Variants in RWDD2B observed in about 807,000 individuals in gnomAD.
RWDD2B encodes the protein RWD domain containing 2B, also known as RWD domain-containing protein 2B.
RWDD2B carries 36 observed loss-of-function variants against 33.6 expected under a neutral mutation model. The observed-to-expected ratio is 1.07, with a 90% confidence interval of 0.82 to 1.42. The LOEUF is 1.42. Ranked by LOEUF, RWDD2B falls within the 40% of genes most tolerant of loss-of-function variation. RWDD2B has a pLI of 0.00. For missense variants in RWDD2B, 364 were observed against 377.5 expected (o/e 0.96, Z 0.30); for synonymous variants, 126 against 133.1 (o/e 0.95, Z 0.37).
Position 29,007,856 on chromosome 21 carries a change from T to C in RWDD2B, c.630A>G (p.Ala210=). 1 of 1,614,276 alleles carries C rather than the reference T, an allele frequency of 6.2e-7. No homozygotes were observed. The highest frequency in any genetic ancestry group is 1.6e-4 in the Middle Eastern group (1 of 6,062). The change falls in exon 4 of 5, where the codon GCA becomes GCG. Residue 210 remains alanine, a synonymous_variant. Coordinates refer to ENST00000493196, the MANE Select transcript of RWDD2B (RefSeq NM_016940.3). ...KCKRKNILEW[A]KELSLSGFSM... ...TAAACCCAGACAGGGAAAGCTCCTT[T>C]GCCCACTCTAGAATATTCTTTCTTT...
chr21:29,014,878 TTAA>T (rs2084882274), intron 1 of RWDD2B, among the ~76,000 whole-genome samples: 1 of 152,070 alleles, frequency 6.6e-6, no homozygotes, highest in Non-Finnish European at 1.5e-5. Context: ...TTATATTTCT[TTAA>T]TAATAATTCT....
At chr21:29,010,994 C>T (rs1394871291) in intron 1 of RWDD2B, among the ~76,000 whole-genome samples, 1 of 152,154 alleles carries the variant, frequency 6.6e-6, no homozygotes, top group Non-Finnish European at 1.5e-5. Context: ...GGCTGGAGTG[C>T]AGTGGCGTGA....
At chr21:29,011,996 G>A (rs1176065390) in intron 1 of RWDD2B, among the ~76,000 whole-genome samples, 4 of 132,124 alleles carry the variant, frequency 3.0e-5, no homozygotes, top group Admixed American at 7.4e-5. Flanking sequence ...AGGTGGGGGG[G>A]TCAGCCCCCC....
Position 29,007,986 on chromosome 21 carries a change from C to T in RWDD2B, c.500G>A (p.Ser167Asn). 6.2e-7 allele frequency: 1 copy of T among 1,614,242 alleles called. No individual in the cohort carries two copies. The highest frequency in any genetic ancestry group is 1.1e-5 in the South Asian group (1 of 91,084). ...GGTGGGTGAAGATGAAGTATCTCTG[C>T]TGACATAGCCAGAGGCGTGTTCTCT... ...WVREHASGYV[S>N]RDTSSSPTTG... Residue 167 changes from serine (S) to asparagine (N), a missense_variant, in exon 4 of 5, where the codon AGC (serine) becomes AAC (asparagine). By Grantham distance (46) the Ser-to-Asn change is conservative. Coordinates refer to ENST00000493196, the MANE Select transcript of RWDD2B (RefSeq NM_016940.3).
At chr21:29,012,928 T>G (rs1339833263) in intron 1 of RWDD2B, among the ~76,000 whole-genome samples, 1 of 152,216 alleles carries the variant, frequency 6.6e-6, no homozygotes, top group Non-Finnish European at 1.5e-5. Context: ...CCAGTACATC[T>G]TATAATAAAT....
At chr21:29,013,027 T>A (rs957166936) in intron 1 of RWDD2B, among the ~76,000 whole-genome samples, 20 of 151,934 alleles carry the variant, frequency 1.3e-4, no homozygotes, top group Admixed American at 7.2e-4. Context: ...GATCTGTCTA[T>A]AATATCATGT....
At chr21:29,008,687 A>G in intron 1 of RWDD2B, 66 bp from the exon 2 acceptor site, 4 of 966,190 alleles carry the variant, frequency 4.1e-6, no homozygotes, top group Non-Finnish European at 4.6e-6. Flanking sequence ...ATACATCAAC[A>G]TGTGTACTTA....
intron 1 of RWDD2B, among the ~76,000 whole-genome samples, chr21:29,013,861 T>C (rs2084876994): frequency 6.6e-6 from 1 of 152,166 alleles, no homozygotes; most frequent in South Asian, 2.1e-4. Context: ...CCTTAAGGTT[T>C]GGTTGAGGAC....
intron 4 of RWDD2B, among the ~76,000 whole-genome samples, chr21:29,007,251 C>T (rs1381816857): frequency 2.0e-5 from 3 of 152,212 alleles, no homozygotes; most frequent in African/African-American, 7.2e-5. Flanking sequence ...TCATTCAGTG[C>T]ATATTTACAG....
chr21:29,010,189 C>T lies in RWDD2B; in HGVS notation c.68-1568G>A, dbSNP rs189111874. Among the ~76,000 whole-genome samples, 7 of 152,248 alleles carry T rather than the reference C, an allele frequency of 4.6e-5. No homozygotes were observed. The East Asian group carries it at 1.4e-3, about 29-fold the overall frequency. On this transcript the variant is annotated intron_variant, in intron 1 of 4. Coordinates refer to ENST00000493196, the MANE Select transcript of RWDD2B (RefSeq NM_016940.3). ...TTACAGAGGTGGATTGTTGTATCAA[C>T]ATGTACATTTTAAATTTTGATAGAT...
chr21:29,018,504 T>G (rs1402094141), intron 1 of RWDD2B, among the ~76,000 whole-genome samples: 1 of 152,150 alleles, frequency 6.6e-6, no homozygotes, highest in East Asian at 1.9e-4. Flanking sequence ...GAGGGTGCTA[T>G]TGAATTGGAG....
intron 1 of RWDD2B, among the ~76,000 whole-genome samples, chr21:29,010,620 T>A (rs368478167): frequency 3.7e-4 from 44 of 118,884 alleles, no homozygotes; most frequent in South Asian, 8.2e-4. Flanking sequence ...AAAATAAAAA[T>A]AAAAAAAAAA....
intron 1 of RWDD2B, among the ~76,000 whole-genome samples, chr21:29,010,642 A>AGC (rs2084852810): frequency 6.9e-6 from 1 of 145,924 alleles, no homozygotes; most frequent in South Asian, 2.2e-4. Flanking sequence ...ACCAAAAAAA[A>AGC]CCCTCTCCCT....
rs2084902537 is a variant in RWDD2B at position 29,018,961 on chromosome 21, C to G, written c.67+250G>C. On this transcript the variant is annotated intron_variant, in intron 1 of 4. Coordinates refer to ENST00000493196, the MANE Select transcript of RWDD2B (RefSeq NM_016940.3). ...GGGTACCCCGCGACCCAAGCCAAGA[C>G]GCTCTCAGGAAGAAAGCCCAGCACG... Among the ~76,000 whole-genome samples the G allele has an allele frequency of 1.3e-5, 2 of 152,204 alleles. 1 individual carries two copies. The highest frequency in any genetic ancestry group is 4.1e-4 in the South Asian group (2 of 4,834).
intron 1 of RWDD2B, among the ~76,000 whole-genome samples, chr21:29,011,816 C>T (rs1601022056): frequency 6.4e-5 from 8 of 125,812 alleles, no homozygotes; most frequent in Non-Finnish European, 1.0e-4. Flanking sequence ...AGGTGAGGGG[C>T]GCCTCTGCCC....
chr21:29,006,907 A>G (rs1268462142), intron 4 of RWDD2B, among the ~76,000 whole-genome samples: 1 of 152,010 alleles, frequency 6.6e-6, no homozygotes, highest in Non-Finnish European at 1.5e-5. Context: ...AGTCATACAC[A>G]CCCCGTCCAA....
rs193016888 is a variant in RWDD2B at position 29,010,382 on chromosome 21, G to A, written c.68-1761C>T. 2.4e-3 allele frequency among the ~76,000 whole-genome samples: 369 copies of A among 151,340 alleles called. 2 individuals are homozygous for A. Among genetic ancestry groups the A allele is most frequent in the African/African-American group, 8.1e-3 (332 of 41,136 alleles). The stretch of plus-strand genomic sequence containing the variant: ...ACCACTTGGGGAGGCCAAGGAGGGT[G>A]GATAGCTTGAGTCCAGGAGTTTTAG... On this transcript the variant is annotated intron_variant, in intron 1 of 4. Transcript: ENST00000493196.
rs148670819 is a variant in RWDD2B, at chr21:29,007,836, C to T, written c.650G>A (p.Gly217Glu). 3 of 1,614,228 alleles carry T rather than the reference C, an allele frequency of 1.9e-6. No individual in the cohort carries two copies. The highest frequency in any genetic ancestry group is 2.5e-6 in the Non-Finnish European group (3 of 1,180,044). Residue 217 changes from glycine (G) to glutamate (E), a missense_variant, in exon 4 of 5, where the codon GGG (glycine) becomes GAG (glutamate). Coordinates refer to ENST00000493196, the MANE Select transcript of RWDD2B (RefSeq NM_016940.3). The part of the protein sequence containing the change: ...LEWAKELSLS[G>E]FSMPGKPGVV... ...ACCAGGTTTTCCAGGCATGCTAAAC[C>T]CAGACAGGGAAAGCTCCTTTGCCCA...
At chr21:29,016,820 G>A (rs1345284654) in intron 1 of RWDD2B, among the ~76,000 whole-genome samples, 2 of 152,266 alleles carry the variant, frequency 1.3e-5, no homozygotes, top group Non-Finnish European at 2.9e-5. Context: ...TAGGCAAGTG[G>A]CTTAATTTAT....
Sources: gnomAD v4.1 joint callset for allele counts (sites outside exome capture counted in the v4.1 genomes callset) on GRCh38, gnomAD v4.1.1 for gene constraint, MANE v1.5 for transcripts, NCBI Gene and HGNC (gene_info 2026-07-23, HGNC 2026-07-21) for gene names.